Variants in CAPN6 observed in about 807,000 individuals in gnomAD.
CAPN6 encodes calpain-6.
In CAPN6, 16 loss-of-function variants were observed where a neutral mutation model predicts 46.0. That is an observed-to-expected ratio of 0.35 (90% CI 0.24 to 0.53). The LOEUF (loss-of-function observed/expected upper bound fraction) is 0.53. CAPN6 is among the 20% of genes least tolerant of loss of function. CAPN6 has a pLI of 0.94. For synonymous variants in CAPN6, 206 were observed against 172.8 expected, an observed-to-expected ratio of 1.19 and a Z score of -1.51; for missense variants, 461 against 498.0, an observed-to-expected ratio of 0.93 and a Z score of 0.71.
In CAPN6 at chrX:111,246,058, G is replaced by A. The variant is rs1010471051; in HGVS notation, c.*519C>T. ...GTGGTGGTGGTGGTGGTCGTGGTTG[G>A]TGGTGGTGGCAGTGGTGTCTGTAAG... is the stretch of plus-strand genomic sequence containing the variant. On this transcript the variant is annotated 3_prime_UTR_variant, in exon 13 of 13. Coordinates refer to ENST00000324068, the MANE Select transcript of CAPN6 (RefSeq NM_014289.4). 14 of 115,152 alleles carry A rather than the reference G, an allele frequency of 1.2e-4. No individual in the cohort carries two copies. Among genetic ancestry groups the A allele is most frequent in the Admixed American group, 8.5e-4 (9 of 10,531 alleles). 9.5% of individuals were successfully genotyped at this position (115,152 alleles called of 1,213,427 possible).
rs1603409281 is a variant in CAPN6 at position 111,265,400 on chromosome X, C to G, written c.-15-1449G>C. ...GAGAATAACCACATTTTTTTCATAG[C>G]CTTATTTATTGGCAATTGCTTTTAA... is the stretch of plus-strand genomic sequence containing the variant. On this transcript the variant is annotated intron_variant, in intron 1 of 12. Coordinates refer to ENST00000324068, the MANE Select transcript of CAPN6 (RefSeq NM_014289.4). 3.6e-5 allele frequency among the ~76,000 whole-genome samples: 4 copies of G among 112,372 alleles called. 1 individual carries two copies. The highest frequency in any genetic ancestry group is 2.8e-4 in the Admixed American group (3 of 10,645).
At chrX:111,260,611 G>A (rs904240668) in intron 2 of CAPN6, among the ~76,000 whole-genome samples, 4 of 112,050 alleles carry the variant, frequency 3.6e-5, no homozygotes, top group African/African-American at 1.3e-4. Context: ...CTGTCTCTCA[G>A]CTTTCCTGAT....
chrX:111,251,724 G>C lies in CAPN6; in HGVS notation c.718C>G (p.Gln240Glu). Residue 240 changes from glutamine to glutamate, a missense_variant, in exon 6 of 13, where the codon CAA (glutamine) becomes GAA (glutamate). Gln to Glu is a conservative substitution (Grantham distance 29). Transcript: ENST00000324068. ...CSIESPNQEE[Q>E]EVETDWGLLK... The stretch of plus-strand genomic sequence containing the variant: ...AGACCCCAATCAGTTTCAACTTCTT[G>C]CTCCTCCTGATTGGGAGACTGAGAG... The C allele has an allele frequency of 8.3e-7, 1 of 1,206,239 alleles. No homozygotes were observed.
At chrX:111,251,995 G>A (rs932797409) in intron 5 of CAPN6, among the ~76,000 whole-genome samples, 1 of 112,047 alleles carries the variant, frequency 8.9e-6, no homozygotes, top group African/African-American at 3.2e-5. Flanking sequence ...AAATTTGATG[G>A]GGCAGATTCA....
chrX:111,258,357 C>G (rs982039028), intron 2 of CAPN6, among the ~76,000 whole-genome samples: 1 of 111,791 alleles, frequency 8.9e-6, no homozygotes, highest in Non-Finnish European at 1.9e-5. Flanking sequence ...GTGTGGACAC[C>G]TACAAGTGAG....
chrX:111,251,711 G>T lies in CAPN6; in HGVS notation c.731C>A (p.Thr244Asn). 7 of 1,208,845 alleles carry T rather than the reference G, an allele frequency of 5.8e-6. No homozygotes were observed. The highest frequency in any genetic ancestry group is 7.8e-6 in the Non-Finnish European group (7 of 893,372). ...ATGGCCCTTCAGCAGACCCCAATCA[G>T]TTTCAACTTCTTGCTCCTCCTGATT... Reference protein sequence around the residue: ...SPNQEEQEVETDWGLLKGHTY... With the variant: ...SPNQEEQEVENDWGLLKGHTY... The change falls in exon 6 of 13, where the codon ACT becomes AAT. Residue 244 changes from threonine (T) to asparagine (N), a missense_variant. By Grantham distance (65) the Thr-to-Asn change is moderately conservative. Coordinates refer to ENST00000324068, the MANE Select transcript of CAPN6 (RefSeq NM_014289.4).
intron 2 of CAPN6, 23 bp from the exon 3 acceptor site, chrX:111,254,426 T>C (rs1464528500): frequency 1.7e-6 from 2 of 1,143,659 alleles, no homozygotes; most frequent in Admixed American, 2.2e-5. Flanking sequence ...TAATTGGTTA[T>C]ATGAGAGTCT....
In CAPN6 at chrX:111,254,347, G is replaced by T; in HGVS notation, c.222C>A (p.Thr74=). Residue 74 remains threonine, a synonymous_variant, in exon 3 of 13, where the codon ACC becomes ACA. Transcript: ENST00000324068. ...TTGGCTTGTGCCCCAGTCTCCCTTGGGTCAGCTGGTGGTTGCTAATGTTGC... is the reference window on the plus strand; with the variant it reads ...TTGGCTTGTGCCCCAGTCTCCCTTGTGTCAGCTGGTGGTTGCTAATGTTGC... ...IVGNISNHQL[T]QGRLGHKPMV... The T allele has an allele frequency of 8.3e-7, 1 of 1,209,896 alleles. No homozygotes were observed. The highest frequency in any genetic ancestry group is 1.1e-6 in the Non-Finnish European group (1 of 894,180).
At position 111,256,753 on chromosome X, in the gene CAPN6, ATATAT is replaced by A. The variant is rs1454497402; in HGVS notation, c.166-2355_166-2351del. On this transcript the variant is annotated intron_variant, in intron 2 of 12. Transcript: ENST00000324068. ...TTGACCCAAGATGGATATGATTATT[ATATAT>A]TATATGTGTCTATGTATATACATGT... Among the ~76,000 whole-genome samples the A allele has an allele frequency of 4.5e-5, 5 of 110,891 alleles. No individual in the cohort carries two copies. The East Asian group carries it at 1.1e-3, about 25-fold the overall frequency.
chrX:111,258,346 G>T (rs1295190211), intron 2 of CAPN6, among the ~76,000 whole-genome samples: 3 of 111,814 alleles, frequency 2.7e-5, no homozygotes, highest in Non-Finnish European at 5.6e-5. Flanking sequence ...AGGGGGTAGG[G>T]GTGTGGACAC....
intron 2 of CAPN6, among the ~76,000 whole-genome samples, chrX:111,257,579 C>T (rs1239370251): frequency 6.2e-5 from 7 of 112,278 alleles, no homozygotes; most frequent in Non-Finnish European, 1.3e-4. Context: ...GCCAAACAGA[C>T]TATTTGGTGA....
chrX:111,250,901 AGT>A lies in CAPN6; in HGVS notation c.1158+14_1158+15del. On this transcript the variant is annotated intron_variant, in intron 8 of 12. Transcript: ENST00000324068. ...GACTGGATAACTTTGAGGCAAATAAAGTAATTGACTCAAACCTGGGGATTCTG... is the reference window on the plus strand; with the variant it reads ...GACTGGATAACTTTGAGGCAAATAAAAATTGACTCAAACCTGGGGATTCTG... 9.2e-6 allele frequency: 11 copies of A among 1,198,153 alleles called. No individual in the cohort carries two copies. Among genetic ancestry groups the A allele is most frequent in the Non-Finnish European group, 1.2e-5 (11 of 885,202 alleles).
intron 11 of CAPN6, 125 bp from the exon 12 acceptor site, chrX:111,247,629 A>G (rs771833667): frequency 8.3e-6 from 6 of 724,323 alleles, no homozygotes; most frequent in Middle Eastern, 4.4e-4. Flanking sequence ...AGAATGACTG[A>G]GATTCAACAC....
At chrX:111,256,314 G>A (rs887135938) in intron 2 of CAPN6, among the ~76,000 whole-genome samples, 4 of 110,799 alleles carry the variant, frequency 3.6e-5, no homozygotes, top group East Asian at 5.7e-4. Flanking sequence ...CAGGAGAATC[G>A]CTTGAACCCG....
chrX:111,259,255 TTGGAGAAAAGACTA>T (rs903548370), intron 2 of CAPN6, among the ~76,000 whole-genome samples: 11 of 112,661 alleles, frequency 9.8e-5, no homozygotes, highest in African/African-American at 3.2e-4. Flanking sequence ...AATAGGACAG[TTGGAGAAAAGACTA>T]TGGGCCTATT....
At chrX:111,260,333 A>G (rs1446613651) in intron 2 of CAPN6, among the ~76,000 whole-genome samples, 1 of 113,101 alleles carries the variant, frequency 8.8e-6, no homozygotes, top group East Asian at 2.8e-4. Context: ...TTGTTAAACT[A>G]TCAGTGGTGT....
intron 10 of CAPN6, 81 bp from the exon 11 acceptor site, chrX:111,248,073 G>A: frequency 1.0e-6 from 1 of 971,676 alleles, no homozygotes; most frequent in Non-Finnish European, 1.5e-6. Flanking sequence ...AGACATCATT[G>A]CTGAAAAGCA....
chrX:111,259,367 T>C (rs1311284330), intron 2 of CAPN6, among the ~76,000 whole-genome samples: 1 of 112,500 alleles, frequency 8.9e-6, no homozygotes, highest in Non-Finnish European at 1.9e-5. Context: ...AGGAAATTCT[T>C]GAGCAGACTA....
chrX:111,254,425 AT>A, intron 2 of CAPN6, 22 bp from the exon 3 acceptor site: 2 of 1,150,210 alleles, frequency 1.7e-6, no homozygotes, highest in Non-Finnish European at 2.4e-6. Context: ...ATAATTGGTT[AT>A]ATGAGAGTCT....
Sources: gnomAD v4.1 joint callset for allele counts (sites outside exome capture counted in the v4.1 genomes callset) on GRCh38, gnomAD v4.1.1 for gene constraint, MANE v1.5 for transcripts, NCBI Gene and HGNC (gene_info 2026-07-23, HGNC 2026-07-21) for gene names.